SNX25: variants seen among roughly 807,000 people sequenced by gnomAD.
SNX25 encodes sorting nexin 25, also known as sorting nexin-25.
SNX25 carries 62 observed loss-of-function variants against 113.7 expected under a neutral mutation model. The ratio of observed to expected loss-of-function variants is 0.55; its 90% CI spans 0.44 to 0.67. The LOEUF (loss-of-function observed/expected upper bound fraction) is 0.67, where lower values mean the gene tolerates loss of function less well. Among genes scored for constraint, SNX25 ranks in the 30% least tolerant of loss-of-function variants. The pLI, the probability that SNX25 is intolerant of heterozygous loss-of-function variation, is 0.00. For missense variants in SNX25, 1,014 were observed against 1,161.0 expected (o/e 0.87, Z 1.84); for synonymous variants, 421 against 436.2 (o/e 0.97, Z 0.43).
intron 5 of SNX25, among the ~76,000 whole-genome samples, chr4:185,283,549 C>T (rs1367650231): frequency 1.3e-5 from 2 of 152,198 alleles, no homozygotes; most frequent in Non-Finnish European, 2.9e-5. Flanking sequence ...GAAAGATGAT[C>T]TGGCATTGGC....
Position 185,348,645 on chromosome 4 carries a change from C to T in SNX25, c.2301+1995C>T, listed in dbSNP as rs76101332. Among the ~76,000 whole-genome samples, 902 of 152,290 alleles carry T rather than the reference C, an allele frequency of 5.9e-3. 12 individuals carry two copies. Among genetic ancestry groups the T allele is most frequent in the South Asian group, 0.03 (144 of 4,826 alleles). ...CTCCTGACCTCAGGTGACCAATCTGCCTCGGCCTCCCAGAGTGCTGGGATT... is the reference window on the plus strand; with the variant it reads ...CTCCTGACCTCAGGTGACCAATCTGTCTCGGCCTCCCAGAGTGCTGGGATT... On this transcript the variant is annotated intron_variant, in intron 13 of 18. Coordinates refer to ENST00000652585, the MANE Select transcript of SNX25 (RefSeq NM_001378034.2).
chr4:185,210,109 A>G lies in SNX25; in HGVS notation c.283A>G (p.Ser95Gly). The change falls in exon 1 of 19, where the codon AGC (serine) becomes GGC (glycine). Residue 95 changes from serine to glycine, a missense_variant. Physicochemically the swap from Ser to Gly is moderately conservative, Grantham distance 56 (BLOSUM62 0). Transcript: ENST00000652585. The surrounding 1 kb of genome is among the most constrained non-coding windows in gnomAD (Gnocchi z 4.4). ...AGLSSVLFRL[S>G]LYLSCAAAAF... is the part of the protein sequence containing the mutation. ...GCTGAGCTCCGTCCTGTTCAGGCTC[A>G]GCCTGTACCTGAGCTGCGCGGCGGC... The G allele has an allele frequency of 1.0e-6, 1 of 984,010 alleles. No homozygotes were observed. The highest frequency in any genetic ancestry group is 1.2e-6 in the Non-Finnish European group (1 of 829,438). 61.0% of individuals were successfully genotyped at this position (984,010 alleles called of 1,614,324 possible).
At chr4:185,289,704 A>G (rs1415054527) in intron 6 of SNX25, among the ~76,000 whole-genome samples, 1 of 152,216 alleles carries the variant, frequency 6.6e-6, no homozygotes, top group African/African-American at 2.4e-5. Flanking sequence ...CTGTTCTTGC[A>G]GAGAAGATGC....
At chr4:185,270,430 G>A (rs1748762020) in intron 5 of SNX25, among the ~76,000 whole-genome samples, 1 of 152,256 alleles carries the variant, frequency 6.6e-6, no homozygotes, top group African/African-American at 2.4e-5. Flanking sequence ...TAAAGGGATA[G>A]CACCTGGGTG....
At position 185,212,545 on chromosome 4, in the gene SNX25, C is replaced by CA. The variant is rs1738114956; in HGVS notation, c.429+2290_429+2291insA. Among the ~76,000 whole-genome samples the CA allele has an allele frequency of 2.1e-5, 3 of 141,554 alleles. No homozygotes were observed. In the South Asian group the frequency reaches 6.8e-4, roughly 32 times the overall value. The allele number at this position is 141,554 out of a possible 152,430, so 92.9% of individuals were successfully genotyped here. On this transcript the variant is annotated intron_variant, in intron 1 of 18. Coordinates refer to ENST00000652585, the MANE Select transcript of SNX25 (RefSeq NM_001378034.2). The stretch of plus-strand genomic sequence containing the variant: ...GTCTGCTCTGTCGTGCAAGCCACCA[C>CA]GCCTGGCTAAGTTTTTGTAGAGACA...
chr4:185,331,868 C>T (rs2095197725), intron 9 of SNX25, among the ~76,000 whole-genome samples: 1 of 152,162 alleles, frequency 6.6e-6, no homozygotes, highest in African/African-American at 2.4e-5. Context: ...TTTTAATTTA[C>T]TGTTTGTTAC....
chr4:185,329,265 C>A (rs188234362), intron 9 of SNX25, among the ~76,000 whole-genome samples: 33 of 152,216 alleles, frequency 2.2e-4, no homozygotes, highest in African/African-American at 7.9e-4. Flanking sequence ...AAAAACCAAA[C>A]GCTTTGGCTT....
At chr4:185,301,919 A>G (rs1196900775) in intron 6 of SNX25, among the ~76,000 whole-genome samples, 1 of 144,096 alleles carries the variant, frequency 6.9e-6, no homozygotes, top group East Asian at 2.1e-4. Context: ...TTTTTTTTTG[A>G]GATGGAGTCT....
chr4:185,216,962 C>T lies in SNX25; in HGVS notation c.429+6707C>T, dbSNP rs144176935. 2.4e-3 allele frequency among the ~76,000 whole-genome samples: 364 copies of T among 152,264 alleles called. 2 individuals are homozygous for T. The highest frequency in any genetic ancestry group is 8.3e-3 in the African/African-American group (345 of 41,544). On this transcript the variant is annotated intron_variant, in intron 1 of 18. Coordinates refer to ENST00000652585, the MANE Select transcript of SNX25 (RefSeq NM_001378034.2). ...TTACCAGTGAGTATATGAGATGACT[C>T]ATAGGAGCTAGGATTAGAAAGGTAG...
intron 6 of SNX25, among the ~76,000 whole-genome samples, chr4:185,295,365 T>G (rs1334410747): frequency 1.3e-5 from 2 of 152,018 alleles, no homozygotes; most frequent in African/African-American, 2.4e-5. Context: ...AACCTAGAGA[T>G]AGGAACTGTA....
rs2095113397 is a variant in SNX25, at chr4:185,320,723, C to A, written c.1345-10C>A. Reference sequence around the variant, plus strand: ...ATTTTAAAAAAAGTTTTCTTAAATTCTCTTAATAGATTCTTCAGTTTGAAG... The same window carrying A: ...ATTTTAAAAAAAGTTTTCTTAAATTATCTTAATAGATTCTTCAGTTTGAAG... On this transcript the variant is annotated splice_polypyrimidine_tract_variant and intron_variant, in intron 7 of 18. Transcript: ENST00000652585. 2.0e-6 allele frequency: 3 copies of A among 1,473,958 alleles called. No homozygotes were observed. The highest frequency in any genetic ancestry group is 2.4e-5 in the Admixed American group (1 of 40,872). 91.3% of individuals were successfully genotyped at this position (1,473,958 alleles called of 1,614,324 possible). A position where few individuals can be genotyped will look rare whatever the true frequency, so the allele number is the denominator to read the frequency against.
At chr4:185,253,948 T>G (rs1746029319) in intron 2 of SNX25, among the ~76,000 whole-genome samples, 1 of 152,216 alleles carries the variant, frequency 6.6e-6, no homozygotes, top group African/African-American at 2.4e-5. Flanking sequence ...ACAGAAATTT[T>G]ATGGAGAACA....
rs552736275 is a variant in SNX25 at position 185,226,382 on chromosome 4, T to A, written c.429+16127T>A. Among the ~76,000 whole-genome samples, 3 of 152,338 alleles carry A rather than the reference T, an allele frequency of 2.0e-5. No individual in the cohort carries two copies. The East Asian group carries it at 5.8e-4, about 29-fold the overall frequency. ...TTCTGGGAGATGCTTTTAGGTACAC[T>A]GCAAAAACAAAGAAGAGGAAGCTTG... On this transcript the variant is annotated intron_variant, in intron 1 of 18. Transcript: ENST00000652585.
At chr4:185,231,160 A>G (rs1162453869) in intron 1 of SNX25, among the ~76,000 whole-genome samples, 3 of 148,872 alleles carry the variant, frequency 2.0e-5, no homozygotes, top group Non-Finnish European at 4.4e-5. Context: ...GTGCAGTGGC[A>G]TGATCTCGGC....
At chr4:185,251,598 CGTGTGTGTGTGTGTGTGTGT>C (rs71593618) in intron 2 of SNX25, among the ~76,000 whole-genome samples, 7 of 147,240 alleles carry the variant, frequency 4.8e-5, no homozygotes, top group South Asian at 2.2e-4. Context: ...TATTCCATTG[CGTGTGTGTGTGTGTGTGTGT>C]GTGTGTGTGT....
intron 5 of SNX25, among the ~76,000 whole-genome samples, chr4:185,280,965 C>T (rs1396622113): frequency 6.6e-6 from 1 of 152,222 alleles, no homozygotes; most frequent in Non-Finnish European, 1.5e-5. Context: ...CCGCTTTACA[C>T]AGCCCTGTCT....
intron 11 of SNX25, 106 bp downstream of exon 11, chr4:185,339,616 T>A (rs2095249802): frequency 3.6e-6 from 5 of 1,377,920 alleles, no homozygotes; most frequent in Non-Finnish European, 3.9e-6. Context: ...TTACACTCAT[T>A]CTTTTAGACC....
chr4:185,204,335 A>G (rs1737091789), exon 1 of SNX25: 1 of 152,178 alleles, frequency 6.6e-6, no homozygotes, highest in African/African-American at 2.4e-5. Context: ...CTACCAAACC[A>G]AGAATAAAAA....
At chr4:185,335,357 C>CACACAA (rs2095223011) in intron 10 of SNX25, among the ~76,000 whole-genome samples, 2 of 138,564 alleles carry the variant, frequency 1.4e-5, no homozygotes, top group African/African-American at 5.2e-5. Context: ...CACACACACA[C>CACACAA]AACAAAAACA....
Sources: gnomAD v4.1 joint callset for allele counts (sites outside exome capture counted in the v4.1 genomes callset) on GRCh38, gnomAD v4.1.1 for gene constraint, Gnocchi (gnomAD v3.1) non-coding constraint, MANE v1.5 for transcripts, NCBI Gene and HGNC (gene_info 2026-07-23, HGNC 2026-07-21) for gene names.